The following PIK3AP1 variants were observed in gnomAD, a reference collection of about 807,000 sequenced individuals.
The protein encoded by PIK3AP1 is phosphoinositide 3-kinase adapter protein 1.
Under a neutral mutation model 88.1 loss-of-function variants are expected in PIK3AP1, and 21 were observed. The ratio of observed to expected loss-of-function variants is 0.24; its 90% CI spans 0.17 to 0.34. The LOEUF is 0.34. Ranked by LOEUF, PIK3AP1 falls within the 10% of genes least tolerant of loss-of-function variation. The pLI, the probability that PIK3AP1 is intolerant of heterozygous loss-of-function variation, is 1.00. For missense variants in PIK3AP1, 828 were observed against 1,035.7 expected (o/e 0.80, Z 2.75); for synonymous variants, 398 against 400.0 (o/e 1.00, Z 0.06).
chr10:96,719,596 A>G (rs901970584), intron 1 of PIK3AP1, among the ~76,000 whole-genome samples: 2 of 152,198 alleles, frequency 1.3e-5, no homozygotes, highest in African/African-American at 2.4e-5. Flanking sequence ...CACAGTATCC[A>G]TTGGAGTGCA....
At chr10:96,698,294 G>A (rs12266911) in intron 2 of PIK3AP1, among the ~76,000 whole-genome samples, 3,492 of 152,216 alleles carry the variant, frequency 0.023, 47 homozygotes, top group Middle Eastern at 0.058. Context: ...ATATAGAAGG[G>A]AACAAAGAAG....
At chr10:96,662,477 C>A (rs1369876691) in intron 2 of PIK3AP1, among the ~76,000 whole-genome samples, 1 of 151,836 alleles carries the variant, frequency 6.6e-6, no homozygotes, top group Non-Finnish European at 1.5e-5. Context: ...GTGGTGGGCG[C>A]CTGTATTCTC....
chr10:96,652,388 A>G (rs1383711866), intron 4 of PIK3AP1, among the ~76,000 whole-genome samples: 5 of 152,142 alleles, frequency 3.3e-5, no homozygotes, highest in Admixed American at 3.3e-4. Flanking sequence ...CCTGGCTAAC[A>G]TGGTGAAACT....
chr10:96,632,945 C>A, intron 8 of PIK3AP1: 1 of 1,612,832 alleles, frequency 6.2e-7, no homozygotes, highest in Non-Finnish European at 8.5e-7. Flanking sequence ...AGGACACAAG[C>A]TAGCAGGGCA....
At chr10:96,634,232 C>T (rs953257473) in intron 8 of PIK3AP1, among the ~76,000 whole-genome samples, 2 of 152,158 alleles carry the variant, frequency 1.3e-5, no homozygotes, top group African/African-American at 4.8e-5. Context: ...GCTGGAAGAA[C>T]ATGATGGGGG....
chr10:96,624,705 A>G (rs1218169731), intron 10 of PIK3AP1, among the ~76,000 whole-genome samples: 2 of 151,652 alleles, frequency 1.3e-5, no homozygotes, highest in Non-Finnish European at 2.9e-5. Context: ...CCAATATCCT[A>G]TGCTGAACAG....
At chr10:96,640,142 CA>C (rs968610888) in intron 8 of PIK3AP1, among the ~76,000 whole-genome samples, 2 of 152,228 alleles carry the variant, frequency 1.3e-5, no homozygotes, top group African/African-American at 4.8e-5. Flanking sequence ...AGGTAGGGAT[CA>C]GGGGTTCAGA....
At chr10:96,666,863 A>G (rs938263479) in intron 2 of PIK3AP1, among the ~76,000 whole-genome samples, 1 of 151,960 alleles carries the variant, frequency 6.6e-6, no homozygotes, top group Non-Finnish European at 1.5e-5. Context: ...CAGAGGTAGG[A>G]ATCCACTCCC....
At chr10:96,662,323 G>A (rs570590935) in intron 2 of PIK3AP1, among the ~76,000 whole-genome samples, 2 of 152,228 alleles carry the variant, frequency 1.3e-5, no homozygotes, top group Admixed American at 6.5e-5. Context: ...AAATAAGGCC[G>A]GGCGCAGTGG....
At chr10:96,659,171 T>C (rs1388123446) in intron 2 of PIK3AP1, among the ~76,000 whole-genome samples, 1 of 152,192 alleles carries the variant, frequency 6.6e-6, no homozygotes, top group Admixed American at 6.5e-5. Context: ...AGTTAATTAT[T>C]ATTAGATTCC....
At chr10:96,704,892 A>G (rs1043683593) in intron 2 of PIK3AP1, among the ~76,000 whole-genome samples, 1 of 152,142 alleles carries the variant, frequency 6.6e-6, no homozygotes, top group Non-Finnish European at 1.5e-5. Flanking sequence ...GACTACCTGT[A>G]ATCTAAGTTT....
chr10:96,644,705 G>A (rs117362004), intron 8 of PIK3AP1, among the ~76,000 whole-genome samples: 2,664 of 152,242 alleles, frequency 0.017, 30 homozygotes, highest in Middle Eastern at 0.048. Context: ...ATATATTAAT[G>A]CAATAAAATC....
chr10:96,659,621 G>C, intron 2 of PIK3AP1, among the ~76,000 whole-genome samples: 1 of 151,800 alleles, frequency 6.6e-6, no homozygotes, highest in Non-Finnish European at 1.5e-5. Flanking sequence ...CCAGCACTTT[G>C]GGAGGCTGAG....
At chr10:96,639,900 C>T (rs1433974208) in intron 8 of PIK3AP1, among the ~76,000 whole-genome samples, 1 of 152,192 alleles carries the variant, frequency 6.6e-6, no homozygotes, top group Non-Finnish European at 1.5e-5. Flanking sequence ...GGTTTCAGAC[C>T]TACAGGGCTG....
intron 6 of PIK3AP1, among the ~76,000 whole-genome samples, chr10:96,649,088 C>G (rs993227448): frequency 6.6e-6 from 1 of 152,088 alleles, no homozygotes; most frequent in Admixed American, 6.5e-5. Context: ...ACTCTGTCAC[C>G]CAGGCTGGAG....
At chr10:96,668,198 A>C (rs1363998844) in intron 2 of PIK3AP1, among the ~76,000 whole-genome samples, 1 of 152,208 alleles carries the variant, frequency 6.6e-6, no homozygotes, top group Non-Finnish European at 1.5e-5. Flanking sequence ...TCTGTTACCT[A>C]CATTTTACCA....
At chr10:96,699,196 T>A (rs1844261564) in intron 2 of PIK3AP1, among the ~76,000 whole-genome samples, 1 of 151,784 alleles carries the variant, frequency 6.6e-6, no homozygotes, top group South Asian at 2.1e-4. Flanking sequence ...AAAAAAAAAA[T>A]TAAAATTAAA....
chr10:96,715,100 C>G (rs902919172), intron 1 of PIK3AP1, among the ~76,000 whole-genome samples: 1 of 152,024 alleles, frequency 6.6e-6, no homozygotes, highest in Non-Finnish European at 1.5e-5. Flanking sequence ...AGTCACAAAT[C>G]ATGTTGAGAG....
chr10:96,603,929 A>G, intron 15 of PIK3AP1, 50 bp downstream of exon 15: 1 of 1,465,562 alleles, frequency 6.8e-7, no homozygotes, highest in Non-Finnish European at 9.3e-7. Flanking sequence ...ATCTCTTGCG[A>G]TGAAACGACC....
Sources: allele counts gnomAD v4.1 joint callset (sites outside exome capture counted in the v4.1 genomes callset), GRCh38; gene constraint gnomAD v4.1.1; transcripts MANE v1.5; gene names NCBI Gene and HGNC (gene_info 2026-07-23, HGNC 2026-07-21).